MAGI1: variants seen among roughly 807,000 people sequenced by gnomAD.
MAGI1 encodes the protein membrane associated guanylate kinase, WW and PDZ domain containing 1, also known as membrane-associated guanylate kinase, WW and PDZ domain-containing protein 1.
MAGI1 carries 58 observed loss-of-function variants against 139.9 expected under a neutral mutation model. That is an observed-to-expected ratio of 0.41 (90% CI 0.34 to 0.52). The LOEUF (loss-of-function observed/expected upper bound fraction) is 0.52, where lower values mean the gene tolerates loss of function less well. MAGI1 is among the 20% of genes least tolerant of loss of function. MAGI1 has a pLI of 0.12. For synonymous variants in MAGI1, 812 were observed against 737.9 expected, an observed-to-expected ratio of 1.10 and a Z score of -1.63; for missense variants, 1,874 against 1,901.6, an observed-to-expected ratio of 0.99 and a Z score of 0.27.
intron 12 of MAGI1, among the ~76,000 whole-genome samples, chr3:65,426,585 G>A (rs1441851205): frequency 6.6e-6 from 1 of 152,146 alleles, no homozygotes; most frequent in Non-Finnish European, 1.5e-5. Flanking sequence ...GAAAGAATCG[G>A]TAAAGTGGGC....
At chr3:65,608,816 C>T (rs752608161) in intron 2 of MAGI1, among the ~76,000 whole-genome samples, 10 of 152,184 alleles carry the variant, frequency 6.6e-5, no homozygotes, top group East Asian at 3.9e-4. Flanking sequence ...TATAAGAATG[C>T]TCACAACAGT....
At chr3:65,479,678 G>C (rs1179633222) in intron 3 of MAGI1, among the ~76,000 whole-genome samples, 1 of 152,006 alleles carries the variant, frequency 6.6e-6, no homozygotes, top group Non-Finnish European at 1.5e-5. Context: ...AGTTTAAAAA[G>C]ACAGTTTTAT....
chr3:65,547,765 G>A (rs1220096802), intron 2 of MAGI1, among the ~76,000 whole-genome samples: 1 of 152,126 alleles, frequency 6.6e-6, no homozygotes, highest in African/African-American at 2.4e-5. Flanking sequence ...TGATAGCAGT[G>A]TTTGCCCTAT....
At chr3:65,573,722 G>C (rs1377963567) in intron 2 of MAGI1, among the ~76,000 whole-genome samples, 2 of 152,058 alleles carry the variant, frequency 1.3e-5, no homozygotes, top group Admixed American at 6.6e-5. Flanking sequence ...CACTTTACTA[G>C]AGGCTATAGC....
At chr3:65,453,083 G>C (rs1329332887) in intron 6 of MAGI1, 175 bp downstream of exon 6, 4 of 604,242 alleles carry the variant, frequency 6.6e-6, no homozygotes, top group Non-Finnish European at 1.2e-5. Context: ...TTCTTCTCTT[G>C]AAACAACTCT....
At chr3:65,494,052 G>A (rs577393687) in intron 2 of MAGI1, among the ~76,000 whole-genome samples, 2 of 152,270 alleles carry the variant, frequency 1.3e-5, no homozygotes, top group South Asian at 4.1e-4. Flanking sequence ...CAGGCCTTGA[G>A]ATTCTCGTAT....
At chr3:65,907,300 A>C (rs1373026213) in intron 1 of MAGI1, among the ~76,000 whole-genome samples, 2 of 152,214 alleles carry the variant, frequency 1.3e-5, no homozygotes, top group African/African-American at 4.8e-5. Context: ...AGATAACTCT[A>C]GTGGGTGGAT....
chr3:65,387,039 T>A, intron 14 of MAGI1: 20 of 985,458 alleles, frequency 2.0e-5, no homozygotes, highest in Middle Eastern at 2.1e-4. Flanking sequence ...GCCCCTTTTT[T>A]CTTCCCTCTC....
At chr3:65,869,906 C>G (rs1454207075) in intron 1 of MAGI1, among the ~76,000 whole-genome samples, 1 of 152,114 alleles carries the variant, frequency 6.6e-6, no homozygotes, top group Non-Finnish European at 1.5e-5. Flanking sequence ...CAGCACGTGG[C>G]CCAGTGCTGG....
chr3:65,786,403 C>A (rs1004894550), intron 1 of MAGI1, among the ~76,000 whole-genome samples: 1 of 151,774 alleles, frequency 6.6e-6, no homozygotes, highest in African/African-American at 2.4e-5. Flanking sequence ...ACCTCCTAGT[C>A]TCAAGTGATC....
chr3:65,702,409 T>G (rs2089676349), intron 1 of MAGI1, among the ~76,000 whole-genome samples: 1 of 152,178 alleles, frequency 6.6e-6, no homozygotes. Flanking sequence ...ATGTGCAGGC[T>G]ACCCCAGGAG....
At chr3:65,938,376 A>G (rs1380804719) in intron 1 of MAGI1, among the ~76,000 whole-genome samples, 1 of 149,000 alleles carries the variant, frequency 6.7e-6, no homozygotes, top group Non-Finnish European at 1.5e-5. Context: ...TAAATATATT[A>G]ACTTAATATA....
intron 12 of MAGI1, among the ~76,000 whole-genome samples, chr3:65,406,414 C>A (rs1338569140): frequency 2.0e-5 from 3 of 152,128 alleles, no homozygotes; most frequent in Non-Finnish European, 4.4e-5. Flanking sequence ...TCAAGAAAAA[C>A]TGCACAAAGA....
At chr3:65,365,342 C>G (rs1315669762) in intron 18 of MAGI1, 1 of 371,498 alleles carries the variant, frequency 2.7e-6, no homozygotes, top group Non-Finnish European at 5.2e-6. Flanking sequence ...AATGTCTCTA[C>G]CAATGTTTCC....
rs183287123 is a variant in MAGI1, at chr3:65,680,893, T to C, written c.314-58805A>G. Among the ~76,000 whole-genome samples, 36 of 152,264 alleles carry C rather than the reference T, an allele frequency of 2.4e-4. No homozygotes were observed. The East Asian group carries it at 6.9e-3, about 29-fold the overall frequency. Reference sequence around the variant, plus strand: ...TCCTCCCAGGCAAGTCGAGAAAATATAGTGTGAGTTTTTCTTGTAATGGGA... The same window carrying C: ...TCCTCCCAGGCAAGTCGAGAAAATACAGTGTGAGTTTTTCTTGTAATGGGA... On this transcript the variant is annotated intron_variant, in intron 1 of 22. Coordinates refer to ENST00000402939, the MANE Select transcript of MAGI1 (RefSeq NM_001033057.2).
At chr3:65,445,862 T>A (rs1948644572) in intron 7 of MAGI1, among the ~76,000 whole-genome samples, 1 of 152,204 alleles carries the variant, frequency 6.6e-6, no homozygotes, top group African/African-American at 2.4e-5. Context: ...AGGGTTTCCT[T>A]GTCACATCTG....
At chr3:65,616,563 T>C (rs1458507658) in intron 2 of MAGI1, among the ~76,000 whole-genome samples, 1 of 152,178 alleles carries the variant, frequency 6.6e-6, no homozygotes, top group African/African-American at 2.4e-5. Context: ...CTATTGCTAT[T>C]GTTACTAGTC....
At chr3:65,725,893 GA>G (rs939735888) in intron 1 of MAGI1, among the ~76,000 whole-genome samples, 4 of 151,926 alleles carry the variant, frequency 2.6e-5, no homozygotes, top group African/African-American at 7.3e-5. Context: ...CTCAAATTCT[GA>G]AAAAAACTTG....
intron 2 of MAGI1, among the ~76,000 whole-genome samples, chr3:65,537,093 A>G (rs2078995769): frequency 6.6e-6 from 1 of 152,282 alleles, no homozygotes; most frequent in Admixed American, 6.5e-5. Context: ...CAAGTCCTTT[A>G]CAATATATCC....
Sources: allele counts gnomAD v4.1 joint callset (sites outside exome capture counted in the v4.1 genomes callset), GRCh38; gene constraint gnomAD v4.1.1; transcripts MANE v1.5; gene names NCBI Gene and HGNC (gene_info 2026-07-23, HGNC 2026-07-21).